CDC73: variants seen among roughly 807,000 people sequenced by gnomAD.
CDC73 encodes cell division cycle 73.
Under a neutral mutation model 83.7 loss-of-function variants are expected in CDC73, and 21 were observed. That is an observed-to-expected ratio of 0.25 (90% CI 0.18 to 0.36). The LOEUF (loss-of-function observed/expected upper bound fraction) is 0.36. Among genes scored for constraint, CDC73 ranks in the 10% least tolerant of loss-of-function variants. The pLI is 1.00. For missense variants in CDC73, 342 were observed against 653.3 expected (o/e 0.52, Z 5.19); for synonymous variants, 224 against 212.9 (o/e 1.05, Z -0.45).
At chr1:193,161,030 A>G (rs1404751147) in intron 10 of CDC73, 1 of 163,340 alleles carries the variant, frequency 6.1e-6, no homozygotes, top group Non-Finnish European at 1.3e-5. Context: ...CTTAGTATTC[A>G]TTGAAGTGTC....
intron 10 of CDC73, among the ~76,000 whole-genome samples, chr1:193,157,066 T>C (rs1676219781): frequency 6.6e-6 from 1 of 152,164 alleles, no homozygotes; most frequent in African/African-American, 2.4e-5. Context: ...TAGGAGGTAA[T>C]TCTTGAATAA....
intron 10 of CDC73, among the ~76,000 whole-genome samples, chr1:193,202,067 G>A (rs1005772271): frequency 2.6e-5 from 4 of 152,018 alleles, no homozygotes; most frequent in African/African-American, 7.2e-5. Context: ...ACATCCCCAC[G>A]AGTCAGTATT....
At chr1:193,190,748 CA>C (rs1027501337) in intron 10 of CDC73, among the ~76,000 whole-genome samples, 3 of 152,180 alleles carry the variant, frequency 2.0e-5, no homozygotes, top group African/African-American at 7.2e-5. Flanking sequence ...AGTGATTTGG[CA>C]AATACTTTAT....
chr1:193,249,968 T>C, intron 16 of CDC73, 97 bp downstream of exon 16: 1 of 1,116,464 alleles, frequency 9.0e-7, no homozygotes, highest in Non-Finnish European at 1.4e-6. Context: ...TCTTATTCCC[T>C]AATTCCCTTC....
chr1:193,246,420 T>C (rs931877892), intron 15 of CDC73, among the ~76,000 whole-genome samples: 2 of 152,110 alleles, frequency 1.3e-5, no homozygotes, highest in African/African-American at 2.4e-5. Flanking sequence ...CATGATCTTA[T>C]ATTTAGAAAA....
intron 8 of CDC73, among the ~76,000 whole-genome samples, chr1:193,148,356 ATG>A (rs1235359601): frequency 6.6e-6 from 1 of 152,100 alleles, no homozygotes; most frequent in Non-Finnish European, 1.5e-5. Flanking sequence ...ATCTTGGTGA[ATG>A]TATTTCTCTT....
At chr1:193,128,983 C>G (rs1217380621) in intron 2 of CDC73, among the ~76,000 whole-genome samples, 1 of 150,828 alleles carries the variant, frequency 6.6e-6, no homozygotes, top group South Asian at 2.1e-4. Context: ...TCTGCCATCA[C>G]GCCCGGCTAA....
chr1:193,221,811 T>C (rs1677475677), intron 13 of CDC73, among the ~76,000 whole-genome samples: 1 of 152,162 alleles, frequency 6.6e-6, no homozygotes, highest in Admixed American at 6.5e-5. Flanking sequence ...CTTCATTGTT[T>C]AACACCTCAT....
chr1:193,215,597 T>G (rs916704218), intron 13 of CDC73, among the ~76,000 whole-genome samples: 2 of 152,056 alleles, frequency 1.3e-5, no homozygotes, highest in Non-Finnish European at 2.9e-5. Flanking sequence ...CACAGGTTTT[T>G]TTTTTTTTTT....
chr1:193,193,619 C>A (rs913296631), intron 10 of CDC73, among the ~76,000 whole-genome samples: 2 of 152,114 alleles, frequency 1.3e-5, no homozygotes, highest in Non-Finnish European at 2.9e-5. Flanking sequence ...TTATATCCTC[C>A]ATTTATCCTT....
intron 11 of CDC73, among the ~76,000 whole-genome samples, chr1:193,209,175 A>G: frequency 6.6e-6 from 1 of 152,214 alleles, no homozygotes; most frequent in East Asian, 1.9e-4. Context: ...TTTCTTAAGA[A>G]TCTAATTTAT....
intron 7 of CDC73, among the ~76,000 whole-genome samples, chr1:193,145,398 A>G (rs1320587948): frequency 6.6e-6 from 1 of 152,224 alleles, no homozygotes; most frequent in East Asian, 1.9e-4. Context: ...CACATTTATG[A>G]CCAAATAAGA....
rs1365448858 is a variant in CDC73, at chr1:193,130,314, T to A, written c.307+71T>A. 8 of 958,016 alleles carry A rather than the reference T, an allele frequency of 8.4e-6. No homozygotes were observed. The East Asian group carries it at 1.7e-4, about 20-fold the overall frequency. The allele number at this position is 958,016 out of a possible 1,614,324, so 59.3% of individuals were successfully genotyped here. ...CTTTTTTCCCCTATGAAATAATGAT[T>A]AGAGGGAAGAGAATTTGTATTTCCA... On this transcript the variant is annotated intron_variant, in intron 3 of 16. Transcript: ENST00000367435.
At chr1:193,192,617 T>G (rs1477314201) in intron 10 of CDC73, among the ~76,000 whole-genome samples, 1 of 152,182 alleles carries the variant, frequency 6.6e-6, no homozygotes, top group African/African-American at 2.4e-5. Flanking sequence ...AAAGGAACTT[T>G]GCGAAGTGCC....
At chr1:193,157,559 C>T (rs929086005) in intron 10 of CDC73, among the ~76,000 whole-genome samples, 1 of 152,226 alleles carries the variant, frequency 6.6e-6, no homozygotes, top group Non-Finnish European at 1.5e-5. Context: ...GGTCTGTAGT[C>T]TCACATGGCA....
chr1:193,205,895 T>G (rs1185889554), intron 11 of CDC73, among the ~76,000 whole-genome samples: 1 of 152,106 alleles, frequency 6.6e-6, no homozygotes, highest in African/African-American at 2.4e-5. Flanking sequence ...TGGAGGCAGT[T>G]GAACCACAGA....
chr1:193,231,007 A>G (rs1677654375), intron 13 of CDC73, among the ~76,000 whole-genome samples: 1 of 152,184 alleles, frequency 6.6e-6, no homozygotes, highest in Non-Finnish European at 1.5e-5. Flanking sequence ...AATTGTAAAA[A>G]CCACGTTAAT....
chr1:193,157,628 TGC>T (rs1416079565), intron 10 of CDC73, among the ~76,000 whole-genome samples: 1 of 152,216 alleles, frequency 6.6e-6, no homozygotes, highest in African/African-American at 2.4e-5. Flanking sequence ...TTCTCTAGAT[TGC>T]CACAGGCCTC....
rs1282542963 is a variant in CDC73 at position 193,251,810 on chromosome 1, A to G, written c.*1098A>G. The G allele has an allele frequency of 4.3e-6, 1 of 231,628 alleles. No homozygotes were observed. The highest frequency in any genetic ancestry group is 1.8e-4 in the South Asian group (1 of 5,520). 14.3% of individuals were successfully genotyped at this position (231,628 alleles called of 1,614,324 possible). ...AAAATGTTGCATCCAAGGTACATCA[A>G]GTGACCATTTGCCTTGAACCTTGAT... On this transcript the variant is annotated 3_prime_UTR_variant, in exon 17 of 17. Coordinates refer to ENST00000367435, the MANE Select transcript of CDC73 (RefSeq NM_024529.5).
Sources: allele counts gnomAD v4.1 joint callset (sites outside exome capture counted in the v4.1 genomes callset), GRCh38; gene constraint gnomAD v4.1.1; transcripts MANE v1.5; gene names NCBI Gene and HGNC (gene_info 2026-07-23, HGNC 2026-07-21).